Variants in EYA2 observed in about 807,000 individuals in gnomAD.
EYA2 encodes the protein protein phosphatase EYA2.
Under a neutral mutation model 69.2 loss-of-function variants are expected in EYA2, and 31 were observed. That is an observed-to-expected ratio of 0.45 (90% confidence interval 0.34 to 0.60). The LOEUF (loss-of-function observed/expected upper bound fraction) is 0.60, where lower values mean the gene tolerates loss of function less well. EYA2 is among the 20% of genes least tolerant of loss of function. The pLI, the probability that EYA2 is intolerant of heterozygous loss-of-function variation, is 0.02. For synonymous variants in EYA2, 257 were observed against 279.4 expected (o/e 0.92, Z 0.80); for missense variants, 622 against 701.2 (o/e 0.89, Z 1.28).
chr20:46,967,983 A>C (rs1979895119), intron 1 of EYA2, among the ~76,000 whole-genome samples: 1 of 152,204 alleles, frequency 6.6e-6, no homozygotes, highest in African/African-American at 2.4e-5. Flanking sequence ...TGGTTAGACC[A>C]AGCCCCTTGT....
intron 9 of EYA2, among the ~76,000 whole-genome samples, chr20:47,113,746 C>G (rs535637148): frequency 1.3e-5 from 2 of 152,194 alleles, no homozygotes; most frequent in Non-Finnish European, 2.9e-5. Context: ...CAGCACACCC[C>G]TCCTTAAGGG....
intron 1 of EYA2, among the ~76,000 whole-genome samples, chr20:46,969,770 G>A (rs1980028333): frequency 6.6e-6 from 1 of 152,150 alleles, no homozygotes; most frequent in African/African-American, 2.4e-5. Context: ...TTCTTAGCAG[G>A]TTCTGGCTGG....
intron 1 of EYA2, among the ~76,000 whole-genome samples, chr20:46,935,854 C>T (rs1158202665): frequency 1.3e-5 from 2 of 151,754 alleles, no homozygotes; most frequent in Non-Finnish European, 2.9e-5. Context: ...TATATTGCAA[C>T]ATCATAATAA....
At chr20:47,161,383 G>A in intron 10 of EYA2, 1 of 429,060 alleles carries the variant, frequency 2.3e-6, no homozygotes, top group Non-Finnish European at 4.4e-6. Context: ...GCGTGGGTCT[G>A]CTTTTGTACT....
intron 1 of EYA2, among the ~76,000 whole-genome samples, chr20:46,934,529 G>A (rs147304612): frequency 1.1e-3 from 170 of 152,282 alleles, no homozygotes; most frequent in African/African-American, 3.9e-3. Flanking sequence ...TGTGGGACGC[G>A]AAAGTGATCA....
intron 9 of EYA2, among the ~76,000 whole-genome samples, chr20:47,119,276 A>G (rs957267480): frequency 6.6e-6 from 1 of 152,222 alleles, no homozygotes; most frequent in Non-Finnish European, 1.5e-5. Context: ...TGACAGGGAA[A>G]TAGGAGGTGT....
chr20:46,991,698 G>A (rs924971223), intron 2 of EYA2, among the ~76,000 whole-genome samples: 2 of 152,112 alleles, frequency 1.3e-5, no homozygotes, highest in African/African-American at 2.4e-5. Flanking sequence ...GGCTGGGAGC[G>A]GTGGCTCACA....
chr20:46,943,669 C>T (rs1371877211), intron 1 of EYA2, among the ~76,000 whole-genome samples: 2 of 152,156 alleles, frequency 1.3e-5, no homozygotes, highest in Non-Finnish European at 2.9e-5. Flanking sequence ...ATTTCAAGCA[C>T]GACATATACC....
At chr20:46,896,399 G>T (rs948947823) in intron 1 of EYA2, among the ~76,000 whole-genome samples, 1 of 133,872 alleles carries the variant, frequency 7.5e-6, no homozygotes. Flanking sequence ...TAACCATCCT[G>T]CTTACAAAAA....
chr20:46,925,005 C>T (rs1985353151), intron 1 of EYA2, among the ~76,000 whole-genome samples: 1 of 152,208 alleles, frequency 6.6e-6, no homozygotes, highest in Non-Finnish European at 1.5e-5. Context: ...AATTCTTCCT[C>T]ACCTCCTCCT....
chr20:47,156,129 T>TAC lies in EYA2; in HGVS notation c.978+12982_978+12983insCA, dbSNP rs1568814241. Among the ~76,000 whole-genome samples, 2 of 7,750 alleles carry TAC rather than the reference T, an allele frequency of 2.6e-4. 1 individual carries two copies. The highest frequency in any genetic ancestry group is 9.3e-3 in the East Asian group (2 of 214). The allele number at this position is 7,750 out of a possible 152,430, so 5.1% of individuals were successfully genotyped here. A position where few individuals can be genotyped will look rare whatever the true frequency, so the allele number is the denominator to read the frequency against. Reference sequence around the variant, plus strand: ...ACACACACACACACACACACACACATATATATATATATATATATATATATA... The same window carrying TAC: ...ACACACACACACACACACACACACATACATATATATATATATATATATATATA... On this transcript the variant is annotated intron_variant, in intron 10 of 15. Coordinates refer to ENST00000327619, the MANE Select transcript of EYA2 (RefSeq NM_005244.5).
Position 46,899,836 on chromosome 20 carries a change from C to A in EYA2, c.-11+4849C>A, listed in dbSNP as rs539132920. On this transcript the variant is annotated intron_variant, in intron 1 of 15. Transcript: ENST00000327619. The stretch of plus-strand genomic sequence containing the variant: ...CCAGGGGCTTCGTCAGCGCTGTCAT[C>A]GCCTTTGGATGATAGTAGTCAGAAC... 1.8e-4 allele frequency among the ~76,000 whole-genome samples: 28 copies of A among 152,310 alleles called. No homozygotes were observed. The South Asian group carries it at 5.8e-3, about 32-fold the overall frequency.
chr20:47,168,636 C>A (rs1188083951), intron 10 of EYA2, among the ~76,000 whole-genome samples: 1 of 152,184 alleles, frequency 6.6e-6, no homozygotes, highest in Non-Finnish European at 1.5e-5. Flanking sequence ...GATCACAGAT[C>A]ATGAGGCACA....
chr20:46,948,730 T>C (rs549800321), intron 1 of EYA2, among the ~76,000 whole-genome samples: 1 of 152,358 alleles, frequency 6.6e-6, no homozygotes, highest in South Asian at 2.1e-4. Context: ...CATTATTGTT[T>C]AATTCGTAAA....
intron 1 of EYA2, among the ~76,000 whole-genome samples, chr20:46,932,795 A>T (rs1600556330): frequency 6.6e-6 from 1 of 152,076 alleles, no homozygotes; most frequent in South Asian, 2.1e-4. Flanking sequence ...CTGAGGCAGG[A>T]GAATCGCTTG....
intron 9 of EYA2, among the ~76,000 whole-genome samples, chr20:47,133,519 C>CTTTAT (rs992198269): frequency 2.6e-5 from 4 of 152,152 alleles, no homozygotes; most frequent in African/African-American, 9.7e-5. Flanking sequence ...TTGAAGGTGT[C>CTTTAT]TAATAAAGAC....
chr20:47,101,095 A>AT (rs1182937369), intron 9 of EYA2, among the ~76,000 whole-genome samples: 1 of 151,828 alleles, frequency 6.6e-6, no homozygotes, highest in East Asian at 1.9e-4. Flanking sequence ...ATTTTTATTA[A>AT]TTTTTTTAGA....
chr20:47,090,186 T>C (rs2032032502), intron 8 of EYA2, among the ~76,000 whole-genome samples: 1 of 151,856 alleles, frequency 6.6e-6, no homozygotes, highest in South Asian at 2.1e-4. Context: ...GTGATTCCTG[T>C]GTGCAGCTCA....
chr20:46,943,636 C>A (rs1173024575), intron 1 of EYA2, among the ~76,000 whole-genome samples: 3 of 152,176 alleles, frequency 2.0e-5, no homozygotes, highest in African/African-American at 4.8e-5. Flanking sequence ...GTTCTTCCAG[C>A]TGAAACTGTT....
Sources: gnomAD v4.1 joint callset for allele counts (sites outside exome capture counted in the v4.1 genomes callset) on GRCh38, gnomAD v4.1.1 for gene constraint, MANE v1.5 for transcripts, NCBI Gene and HGNC (gene_info 2026-07-23, HGNC 2026-07-21) for gene names.